PF4V1: variants seen among roughly 807,000 people sequenced by gnomAD.
PF4V1 encodes the protein platelet factor 4 variant 1.
Under a neutral mutation model 6.9 loss-of-function variants are expected in PF4V1, and 4 were observed. The observed-to-expected ratio is 0.58, with a 90% CI of 0.29 to 1.34. The LOEUF is 1.34. Ranked by LOEUF, PF4V1 falls within the 40% of genes most tolerant of loss-of-function variation. The probability of loss-of-function intolerance (pLI) is 0.09; values close to 1 mark genes in which losing one functional copy is unlikely to be tolerated. For synonymous variants in PF4V1, 68 were observed against 55.9 expected (o/e 1.22, Z -0.97); for missense variants, 127 against 128.6 (o/e 0.99, Z 0.06).
Position 73,853,898 on chromosome 4 carries a change from T to A in PF4V1, c.216T>A (p.Thr72=). Residue 72 remains threonine, a synonymous_variant, in exon 2 of 3, where the codon ACT becomes ACA. Coordinates refer to ENST00000226524, the MANE Select transcript of PF4V1 (RefSeq NM_002620.4). ...TCAAGGCCGGACCCCACTGCCCCAC[T>A]GCCCAACTCATGTGAGTCCTCGCAC... ...EVIKAGPHCP[T]AQLIATLKNG... is the part of the protein sequence containing the mutation. 6.2e-7 allele frequency: 1 copy of A among 1,609,086 alleles called. No individual in the cohort carries two copies. The highest frequency in any genetic ancestry group is 8.5e-7 in the Non-Finnish European group (1 of 1,177,618).
In PF4V1 at chr4:73,853,832, C is replaced by T; in HGVS notation, c.150C>T (p.Thr50=). The change falls in exon 2 of 3, where the codon ACC becomes ACT. Residue 50 remains threonine (T), a synonymous_variant. Transcript: ENST00000226524. ...GDLQCLCVKT[T]SQVRPRHITS... The stretch of plus-strand genomic sequence containing the variant: ...TGCAGTGCCTGTGTGTGAAGACCAC[C>T]TCCCAGGTCCGTCCCAGGCACATCA... The T allele has an allele frequency of 1.9e-6, 3 of 1,613,506 alleles. No individual in the cohort carries two copies. Among genetic ancestry groups the T allele is most frequent in the Non-Finnish European group, 2.5e-6 (3 of 1,179,794 alleles).
Position 73,854,291 on chromosome 4 carries a change from T to A in PF4V1, c.*169T>A. The A allele has an allele frequency of 1.7e-6, 1 of 591,056 alleles. No homozygotes were observed. The highest frequency in any genetic ancestry group is 2.9e-6 in the Non-Finnish European group (1 of 344,506). The allele number at this position is 591,056 out of a possible 1,614,324, so 36.6% of individuals were successfully genotyped here. A position where few individuals can be genotyped will look rare whatever the true frequency, so the allele number is the denominator to read the frequency against. ...GCTGACACATCACAATTTCATATTTTAAAATTTCCAGAATTTTAAGCAAAA... is the reference window on the plus strand; with the variant it reads ...GCTGACACATCACAATTTCATATTTAAAAATTTCCAGAATTTTAAGCAAAA... On this transcript the variant is annotated 3_prime_UTR_variant, in exon 3 of 3. Transcript: ENST00000226524.
rs1731470637 is a variant in PF4V1 at position 73,853,462 on chromosome 4, G to A, written c.100G>A (p.Ala34Thr). Residue 34 changes from alanine (A) to threonine (T), a missense_variant and splice_region_variant, in exon 1 of 3, where the codon GCT becomes ACT. Ala to Thr is a moderately conservative substitution (Grantham distance 58, BLOSUM62 0). Transcript: ENST00000226524. ...GCCAGTTGTGGTCGCCTTCGCCAGA[G>A]GTGAGAGCAGAAACCAGGCTGGGAG... ...LLPVVVAFAR[A>T]EAEEDGDLQC... The A allele has an allele frequency of 6.2e-7, 1 of 1,610,216 alleles. No homozygotes were observed. The highest frequency in any genetic ancestry group is 2.2e-5 in the East Asian group (1 of 44,718).
At chr4:73,853,494 C>T (rs1173325114) in intron 1 of PF4V1, 32 bp downstream of exon 1, 1 of 1,572,282 alleles carries the variant, frequency 6.4e-7, no homozygotes, top group Admixed American at 1.8e-5. Flanking sequence ...GGAGGGCCAG[C>T]AGCGGCGAGG....
At chr4:73,853,576 C>T (rs912260861) in intron 1 of PF4V1, 114 bp downstream of exon 1, 7 of 1,350,578 alleles carry the variant, frequency 5.2e-6, no homozygotes, top group Non-Finnish European at 7.1e-6. Context: ...TTATTGCGCG[C>T]GTGCTGAGTC....
chr4:73,853,403 G>T lies in PF4V1; in HGVS notation c.41G>T (p.Arg14Leu), dbSNP rs745362865. The T allele has an allele frequency of 3.7e-6, 6 of 1,614,112 alleles. No individual in the cohort carries two copies. The highest frequency in any genetic ancestry group is 5.1e-6 in the Non-Finnish European group (6 of 1,180,008). The part of the protein sequence containing the change: ...AARSRLTRAT[R>L]QEMLFLALLL... ...AGGTCCCGCCTCACCCGCGCCACCC[G>T]CCAGGAGATGCTGTTCTTGGCGTTG... is the stretch of plus-strand genomic sequence containing the variant. The change falls in exon 1 of 3, where the codon CGC (arginine) becomes CTC (leucine). Residue 14 changes from arginine (R) to leucine (L), a missense_variant. Transcript: ENST00000226524.
In PF4V1 at chr4:73,853,429, C is replaced by T. The variant is rs1027893158; in HGVS notation, c.67C>T (p.Leu23=). ...TRQEMLFLAL[L]LLPVVVAFAR... ...CCAGGAGATGCTGTTCTTGGCGTTG[C>T]TGCTCCTGCCAGTTGTGGTCGCCTT... The change falls in exon 1 of 3, where the codon CTG becomes TTG. Residue 23 remains leucine, a synonymous_variant. Coordinates refer to ENST00000226524, the MANE Select transcript of PF4V1 (RefSeq NM_002620.4). 2 of 1,614,084 alleles carry T rather than the reference C, an allele frequency of 1.2e-6. No homozygotes were observed. Among genetic ancestry groups the T allele is most frequent in the African/African-American group, 1.3e-5 (1 of 75,074 alleles).
Position 73,853,893 on chromosome 4 carries a change from C to A in PF4V1, c.211C>A (p.Pro71Thr), listed in dbSNP as rs768744664. The A allele has an allele frequency of 6.2e-7, 1 of 1,610,022 alleles. No homozygotes were observed. Among genetic ancestry groups the A allele is most frequent in the Non-Finnish European group, 8.5e-7 (1 of 1,178,302 alleles). ...GGTGATCAAGGCCGGACCCCACTGC[C>A]CCACTGCCCAACTCATGTGAGTCCT... ...LEVIKAGPHC[P>T]TAQLIATLKN... Residue 71 changes from proline (P) to threonine (T), a missense_variant, in exon 2 of 3, where the codon CCC becomes ACC. Pro to Thr is a conservative substitution (Grantham distance 38). Coordinates refer to ENST00000226524, the MANE Select transcript of PF4V1 (RefSeq NM_002620.4).
rs746495392 is a variant in PF4V1, at chr4:73,854,137, A to C, written c.*15A>C. On this transcript the variant is annotated 3_prime_UTR_variant, in exon 3 of 3. Coordinates refer to ENST00000226524, the MANE Select transcript of PF4V1 (RefSeq NM_002620.4). ...TGGAGAGTTAGCTACTAGCTGCCTA[A>C]GTGTGCACTTTCAATCTAACTGTGA... The C allele has an allele frequency of 1.7e-5, 27 of 1,563,656 alleles. No homozygotes were observed. The highest frequency in any genetic ancestry group is 2.2e-5 in the Non-Finnish European group (25 of 1,134,190).
At position 73,853,442 on chromosome 4, in the gene PF4V1, T is replaced by C. The variant is rs761704747; in HGVS notation, c.80T>C (p.Val27Ala). 17 of 1,613,788 alleles carry C rather than the reference T, an allele frequency of 1.1e-5. No homozygotes were observed. The highest frequency in any genetic ancestry group is 1.7e-4 in the Middle Eastern group (1 of 6,030). ...MLFLALLLLPVVVAFARAEAE... is the reference protein window; with the variant it reads ...MLFLALLLLPAVVAFARAEAE... ...TTCTTGGCGTTGCTGCTCCTGCCAG[T>C]TGTGGTCGCCTTCGCCAGAGGTGAG... is the stretch of plus-strand genomic sequence containing the variant. The change falls in exon 1 of 3, where the codon GTT becomes GCT. Residue 27 changes from valine to alanine, a missense_variant. Coordinates refer to ENST00000226524, the MANE Select transcript of PF4V1 (RefSeq NM_002620.4).
chr4:73,854,002 T>C, intron 2 of PF4V1, 33 bp from the exon 3 acceptor site: 1 of 1,613,218 alleles, frequency 6.2e-7, no homozygotes, highest in Non-Finnish European at 8.5e-7. Flanking sequence ...ACCCAAGGAC[T>C]GAAAGTCACG....
chr4:73,853,382 C>T lies in PF4V1; in HGVS notation c.20C>T (p.Ser7Phe), dbSNP rs765426968. The change falls in exon 1 of 3, where the codon TCC (serine) becomes TTC (phenylalanine). Residue 7 changes from serine (S) to phenylalanine (F), a missense_variant. Coordinates refer to ENST00000226524, the MANE Select transcript of PF4V1 (RefSeq NM_002620.4). Reference protein sequence around the residue: MSSAARSRLTRATRQEM... With the variant: MSSAARFRLTRATRQEM... Reference sequence around the variant, plus strand: ...TGCAACATGAGCTCCGCAGCCAGGTCCCGCCTCACCCGCGCCACCCGCCAG... The same window carrying T: ...TGCAACATGAGCTCCGCAGCCAGGTTCCGCCTCACCCGCGCCACCCGCCAG... 1.2e-6 allele frequency: 2 copies of T among 1,613,896 alleles called. No individual in the cohort carries two copies. The highest frequency in any genetic ancestry group is 1.7e-6 in the Non-Finnish European group (2 of 1,179,944).
rs1468903241 is a variant in PF4V1 at position 73,854,255 on chromosome 4, G to A, written c.*133G>A. 3.2e-6 allele frequency: 2 copies of A among 628,072 alleles called. No individual in the cohort carries two copies. Among genetic ancestry groups the A allele is most frequent in the Admixed American group, 3.1e-5 (1 of 32,438 alleles). 38.9% of individuals were successfully genotyped at this position (628,072 alleles called of 1,614,324 possible). Reference sequence around the variant, plus strand: ...AGTCAATCTATTTCTTAATAATACTGCAAAAATAATGCTGACACATCACAA... The same window carrying A: ...AGTCAATCTATTTCTTAATAATACTACAAAAATAATGCTGACACATCACAA... On this transcript the variant is annotated 3_prime_UTR_variant, in exon 3 of 3. Transcript: ENST00000226524.
chr4:73,853,507 G>A (rs1340790388), intron 1 of PF4V1, 45 bp downstream of exon 1: 4 of 1,555,636 alleles, frequency 2.6e-6, no homozygotes, highest in Middle Eastern at 1.9e-4. Context: ...CGGCGAGGGG[G>A]AGTCCGGGAA....
chr4:73,853,591 G>A (rs1235237353), intron 1 of PF4V1, 129 bp downstream of exon 1: 12 of 1,308,106 alleles, frequency 9.2e-6, no homozygotes, highest in Non-Finnish European at 1.3e-5. Flanking sequence ...TGAGTCTGCG[G>A]GTACAGTGCC....
chr4:73,853,612 C>G (rs1188196709), intron 1 of PF4V1, 150 bp downstream of exon 1: 14 of 1,267,130 alleles, frequency 1.1e-5, no homozygotes, highest in South Asian at 8.7e-5. Context: ...AGGCACTGCA[C>G]GTGCACCTCG....
At position 73,853,386 on chromosome 4, in the gene PF4V1, C is replaced by T; in HGVS notation, c.24C>T (p.Arg8=). The change falls in exon 1 of 3, where the codon CGC becomes CGT. Residue 8 remains arginine (R), a synonymous_variant. Transcript: ENST00000226524. The part of the protein sequence containing the change: MSSAARS[R]LTRATRQEML... ...ACATGAGCTCCGCAGCCAGGTCCCG[C>T]CTCACCCGCGCCACCCGCCAGGAGA... 6.2e-7 allele frequency: 1 copy of T among 1,614,076 alleles called. No individual in the cohort carries two copies. Among genetic ancestry groups the T allele is most frequent in the Non-Finnish European group, 8.5e-7 (1 of 1,179,990 alleles).
Position 73,853,425 on chromosome 4 carries a change from G to C in PF4V1, c.63G>C (p.Ala21=). The stretch of plus-strand genomic sequence containing the variant: ...CCCGCCAGGAGATGCTGTTCTTGGC[G>C]TTGCTGCTCCTGCCAGTTGTGGTCG... ...RATRQEMLFL[A]LLLLPVVVAF... Residue 21 remains alanine (A), a synonymous_variant, in exon 1 of 3, where the codon GCG becomes GCC. Transcript: ENST00000226524. The C allele has an allele frequency of 6.2e-7, 1 of 1,614,148 alleles. No individual in the cohort carries two copies. The highest frequency in any genetic ancestry group is 8.5e-7 in the Non-Finnish European group (1 of 1,180,014).
rs1731485565 is a variant in PF4V1, at chr4:73,853,914, G to A, written c.227+5G>A. 4 of 1,602,134 alleles carry A rather than the reference G, an allele frequency of 2.5e-6. No homozygotes were observed. Among genetic ancestry groups the A allele is most frequent in the Non-Finnish European group, 3.4e-6 (4 of 1,173,420 alleles). On this transcript the variant is annotated splice_donor_5th_base_variant and intron_variant, in intron 2 of 2. Coordinates refer to ENST00000226524, the MANE Select transcript of PF4V1 (RefSeq NM_002620.4). ...CTGCCCCACTGCCCAACTCATGTGA[G>A]TCCTCGCACTGCATCAGTTAGTGCT...
Sources: gnomAD v4.1 joint callset for allele counts on GRCh38, gnomAD v4.1.1 for gene constraint, MANE v1.5 for transcripts, NCBI Gene and HGNC (gene_info 2026-07-23, HGNC 2026-07-21) for gene names.